Variants in ZNF236 observed in about 807,000 individuals in gnomAD.
The protein encoded by ZNF236 is regulated by glucose.
In ZNF236, 50 loss-of-function variants were observed where a neutral mutation model predicts 191.2. That is an observed-to-expected ratio of 0.26 (90% CI 0.21 to 0.33). ZNF236 has a LOEUF of 0.33. Among genes scored for constraint, ZNF236 ranks in the 10% least tolerant of loss-of-function variants. The probability of loss-of-function intolerance (pLI) is 1.00; values close to 1 mark genes in which losing one functional copy is unlikely to be tolerated. For missense variants in ZNF236, 1,754 were observed against 2,374.5 expected (o/e 0.74, Z 5.43); for synonymous variants, 907 against 928.8 (o/e 0.98, Z 0.43).
At position 76,878,058 on chromosome 18, in the gene ZNF236, A is replaced by G. The variant is rs1976764273; in HGVS notation, c.890A>G (p.Lys297Arg). 1 of 1,613,226 alleles carries G rather than the reference A, an allele frequency of 6.2e-7. No individual in the cohort carries two copies. Among genetic ancestry groups the G allele is most frequent in the Non-Finnish European group, 8.5e-7 (1 of 1,179,426 alleles). ...TGTACAGAATGTAGTTGTGTATTTA[A>G]AAGTTTAGGCAGCTTAAACACGCAT... Reference protein sequence around the residue: ...YNCTECSCVFKSLGSLNTHIS... With the variant: ...YNCTECSCVFRSLGSLNTHIS... Residue 297 changes from lysine (K) to arginine (R), a missense_variant, in exon 7 of 31, where the codon AAA becomes AGA. This residue lies in a region of ZNF236 where 336 missense variants were observed against 495.1 expected (regional missense o/e 0.68). Coordinates refer to ENST00000320610, the MANE Select transcript of ZNF236 (RefSeq NM_001306089.2).
At chr18:76,829,911 G>T (rs959125852) in intron 1 of ZNF236, among the ~76,000 whole-genome samples, 4 of 152,090 alleles carry the variant, frequency 2.6e-5, no homozygotes, top group Non-Finnish European at 5.9e-5. Context: ...TCGCCCTGTT[G>T]CCAGGCTGGA....
At chr18:76,857,315 C>T (rs1287588041) in intron 3 of ZNF236, among the ~76,000 whole-genome samples, 1 of 125,960 alleles carries the variant, frequency 7.9e-6, no homozygotes, top group Non-Finnish European at 1.7e-5. Flanking sequence ...GTCTTCCTGT[C>T]CAACAGCCCT....
intron 20 of ZNF236, among the ~76,000 whole-genome samples, chr18:76,921,419 C>T (rs1436776568): frequency 6.6e-6 from 1 of 152,082 alleles, no homozygotes; most frequent in African/African-American, 2.4e-5. Flanking sequence ...AGAGGAGGAG[C>T]TAAGGGGTTG....
chr18:76,834,471 C>CAA, intron 1 of ZNF236: 1 of 397,676 alleles, frequency 2.5e-6, no homozygotes, highest in Non-Finnish European at 4.9e-6. Flanking sequence ...TATATTTGCC[C>CAA]TTTTACTTTT....
intron 1 of ZNF236, among the ~76,000 whole-genome samples, chr18:76,830,350 C>G (rs762829045): frequency 3.3e-5 from 5 of 152,110 alleles, no homozygotes; most frequent in Non-Finnish European, 7.3e-5. Context: ...CTCTTCTCCT[C>G]TTGATATTTG....
intron 1 of ZNF236, among the ~76,000 whole-genome samples, chr18:76,842,213 A>G (rs1481966474): frequency 5.3e-5 from 6 of 113,104 alleles, no homozygotes; most frequent in Admixed American, 1.0e-4. Context: ...CCCACCCCCC[A>G]TAAAGATTAT....
rs934667458 is a variant in ZNF236, at chr18:76,848,647, A to G, written c.56-879A>G. ...CTTGTCTTCCTGAACCTCCTAAGCCATGTCTATATATGAGAGAGCAAAGGT... is the reference window on the plus strand; with the variant it reads ...CTTGTCTTCCTGAACCTCCTAAGCCGTGTCTATATATGAGAGAGCAAAGGT... On this transcript the variant is annotated intron_variant, in intron 1 of 30. Coordinates refer to ENST00000320610, the MANE Select transcript of ZNF236 (RefSeq NM_001306089.2). Among the ~76,000 whole-genome samples, 13 of 152,166 alleles carry G rather than the reference A, an allele frequency of 8.5e-5. No homozygotes were observed. In the South Asian group the frequency reaches 1.2e-3, roughly 15 times the overall value.
intron 3 of ZNF236, among the ~76,000 whole-genome samples, chr18:76,852,421 A>G (rs1028064570): frequency 2.0e-5 from 3 of 152,150 alleles, no homozygotes; most frequent in African/African-American, 7.2e-5. Context: ...CACAGGCCCA[A>G]TGTCTGGGAC....
chr18:76,937,876 C>A (rs1011264644), intron 26 of ZNF236, among the ~76,000 whole-genome samples: 8 of 152,124 alleles, frequency 5.3e-5, no homozygotes, highest in Non-Finnish European at 5.9e-5. Flanking sequence ...ACCTTTCAGA[C>A]TTTAATTAGG....
chr18:76,841,425 A>C (rs1276747406), intron 1 of ZNF236, among the ~76,000 whole-genome samples: 1 of 151,892 alleles, frequency 6.6e-6, no homozygotes, highest in African/African-American at 2.4e-5. Context: ...GCGAACCGAC[A>C]CTATTAAGGA....
chr18:76,907,026 CAT>C (rs3838894), intron 13 of ZNF236, among the ~76,000 whole-genome samples: 1 of 152,248 alleles, frequency 6.6e-6, no homozygotes, highest in Non-Finnish European at 1.5e-5. Context: ...GTGAGACACA[CAT>C]GTGCTTAGGT....
At chr18:76,905,478 T>G in intron 13 of ZNF236, 63 bp downstream of exon 13, 4 of 1,539,718 alleles carry the variant, frequency 2.6e-6, no homozygotes, top group Non-Finnish European at 3.5e-6. Flanking sequence ...TGGTGGGGAG[T>G]GTTTTTAGGA....
intron 26 of ZNF236, among the ~76,000 whole-genome samples, chr18:76,942,095 C>T (rs770820154): frequency 2.6e-5 from 4 of 152,074 alleles, no homozygotes; most frequent in African/African-American, 9.7e-5. Context: ...AGAAATTAAC[C>T]GGTGTCTAAT....
At chr18:76,948,069 C>T (rs757550973) in intron 27 of ZNF236, among the ~76,000 whole-genome samples, 3 of 152,082 alleles carry the variant, frequency 2.0e-5, no homozygotes, top group South Asian at 2.1e-4. Flanking sequence ...TTTTCATATA[C>T]GTGTGTGTGC....
Position 76,928,096 on chromosome 18 carries a change from G to A in ZNF236, c.4584G>A (p.Leu1528=). 2 of 1,608,382 alleles carry A rather than the reference G, an allele frequency of 1.2e-6. No individual in the cohort carries two copies. The highest frequency in any genetic ancestry group is 1.1e-5 in the South Asian group (1 of 90,214). Residue 1528 remains leucine (L), a synonymous_variant, in exon 25 of 31, where the codon CTG becomes CTA. Coordinates refer to ENST00000320610, the MANE Select transcript of ZNF236 (RefSeq NM_001306089.2). ...SSSGSPQEIT[L]TISELNTTSG... is the part of the protein sequence containing the mutation. The stretch of plus-strand genomic sequence containing the variant: ...CGGGGTCTCCACAGGAAATTACCCT[G>A]ACTATCTCCGGTTAGTAAGTTATAA...
chr18:76,925,294 C>A lies in ZNF236; in HGVS notation c.3767C>A (p.Pro1256Gln). The change falls in exon 22 of 31, where the codon CCG becomes CAG. Residue 1256 changes from proline (P) to glutamine (Q), a missense_variant. Pro to Gln is a moderately conservative substitution (Grantham distance 76). Around this residue, in one of 5 missense-constraint regions of ZNF236, gnomAD observed 45 missense variants for 137.4 expected, o/e 0.33. Coordinates refer to ENST00000320610, the MANE Select transcript of ZNF236 (RefSeq NM_001306089.2). This position sits in a 1 kb window ranked among gnomAD's most constrained non-coding sequence, Gnocchi z 5.7. ...LHTGAKPFKC[P>Q]HCELRFRTSG... Reference sequence around the variant, plus strand: ...ACGGGAGCCAAGCCCTTCAAATGCCCGCATTGCGAGCTGCGTTTCCGTACC... The same window carrying A: ...ACGGGAGCCAAGCCCTTCAAATGCCAGCATTGCGAGCTGCGTTTCCGTACC... 6.2e-7 allele frequency: 1 copy of A among 1,614,164 alleles called. No individual in the cohort carries two copies. The highest frequency in any genetic ancestry group is 8.5e-7 in the Non-Finnish European group (1 of 1,180,026).
intron 26 of ZNF236, 150 bp downstream of exon 26, chr18:76,937,493 T>G: frequency 1.4e-6 from 1 of 716,648 alleles, no homozygotes; most frequent in Non-Finnish European, 2.1e-6. Context: ...ATACGGTAAA[T>G]ATAAAAGGGG....
Position 76,937,201 on chromosome 18 carries a change from C to T in ZNF236, c.4640C>T (p.Ser1547Phe), listed in dbSNP as rs767498736. Residue 1547 changes from serine to phenylalanine, a missense_variant, in exon 26 of 31, where the codon TCT (serine) becomes TTT (phenylalanine). Transcript: ENST00000320610. ...SGSLPSTTPM[S>F]PSAISTQNLV... Reference sequence around the variant, plus strand: ...AGCCTTCCTTCAACAACACCGATGTCTCCATCGGCCATCTCGACTCAGAAC... The same window carrying T: ...AGCCTTCCTTCAACAACACCGATGTTTCCATCGGCCATCTCGACTCAGAAC... 1 of 1,614,190 alleles carries T rather than the reference C, an allele frequency of 6.2e-7. No homozygotes were observed. Among genetic ancestry groups the T allele is most frequent in the Admixed American group, 1.7e-5 (1 of 60,032 alleles).
chr18:76,853,194 A>G (rs1975932573), intron 3 of ZNF236, among the ~76,000 whole-genome samples: 1 of 151,740 alleles, frequency 6.6e-6, no homozygotes, highest in Admixed American at 6.6e-5. Flanking sequence ...TTCTCGTGCC[A>G]TAGCCTCCCG....
Sources: allele counts gnomAD v4.1 joint callset (sites outside exome capture counted in the v4.1 genomes callset), GRCh38; gene constraint gnomAD v4.1.1; regional missense constraint gnomAD v4.1.1; non-coding constraint Gnocchi (gnomAD v3.1); transcripts MANE v1.5; gene names NCBI Gene and HGNC (gene_info 2026-07-23, HGNC 2026-07-21).